The following INSR variants were observed in gnomAD, a reference collection of about 807,000 sequenced individuals.
INSR encodes insulin receptor, also known as IR.
INSR carries 67 observed loss-of-function variants against 142.6 expected under a neutral mutation model. The observed-to-expected ratio is 0.47, with a 90% CI of 0.39 to 0.58. INSR has a LOEUF of 0.58. INSR is among the 20% of genes least tolerant of loss of function. The pLI is 0.00. For synonymous variants in INSR, 756 were observed against 743.1 expected, an observed-to-expected ratio of 1.02 and a Z score of -0.28; for missense variants, 1,248 against 1,833.2, an observed-to-expected ratio of 0.68 and a Z score of 5.83.
chr19:7,257,330 G>A (rs752102604), intron 2 of INSR, among the ~76,000 whole-genome samples: 5 of 151,688 alleles, frequency 3.3e-5, no homozygotes, highest in Non-Finnish European at 5.9e-5. Flanking sequence ...CAGTGACATC[G>A]CCACAAGGGA....
chr19:7,178,383 T>C lies in INSR; in HGVS notation c.975-3652A>G, dbSNP rs1403656256. Among the ~76,000 whole-genome samples, 4 of 151,942 alleles carry C rather than the reference T, an allele frequency of 2.6e-5. No individual in the cohort carries two copies. In the East Asian group the frequency reaches 7.7e-4, roughly 29 times the overall value. On this transcript the variant is annotated intron_variant, in intron 3 of 21. Transcript: ENST00000302850. ...TGGCAGTGTTGAATCACATGGTCAA[T>C]GATTTCAATCAATCACGCCTAAGGA...
In INSR at chr19:7,216,389, C is replaced by T. The variant is rs1467950384; in HGVS notation, c.653-31752G>A. Among the ~76,000 whole-genome samples the T allele has an allele frequency of 2.0e-5, 3 of 152,122 alleles. No individual in the cohort carries two copies. Among genetic ancestry groups the T allele is most frequent in the South Asian group, 2.1e-4 (1 of 4,816 alleles). On this transcript the variant is annotated intron_variant, in intron 2 of 21. Transcript: ENST00000302850. The surrounding 1 kb of genome is among the most constrained non-coding windows in gnomAD (Gnocchi z 4.2). ...AAATCCTAAACAGAATATTACATGG[C>T]GTCTTGGACCTCCGTGATGTTATGC...
At position 7,116,749 on chromosome 19, in the gene INSR, C is replaced by A; in HGVS notation, c.*307G>T. On this transcript the variant is annotated 3_prime_UTR_variant, in exon 22 of 22. Transcript: ENST00000302850. Reference sequence around the variant, plus strand: ...ATTTGTAAAAACAGGTGCTTTCTTTCCATCTGCTGGGGGCGGGTGGGGGGA... The same window carrying A: ...ATTTGTAAAAACAGGTGCTTTCTTTACATCTGCTGGGGGCGGGTGGGGGGA... 5.7e-6 allele frequency: 1 copy of A among 174,418 alleles called. No homozygotes were observed. The highest frequency in any genetic ancestry group is 1.1e-5 in the Non-Finnish European group (1 of 92,078). The allele number at this position is 174,418 out of a possible 1,614,324, so 10.8% of individuals were successfully genotyped here. A position where few individuals can be genotyped will look rare whatever the true frequency, so the allele number is the denominator to read the frequency against.
intron 1 of INSR, among the ~76,000 whole-genome samples, chr19:7,285,628 C>G (rs897015616): frequency 1.3e-5 from 2 of 151,978 alleles, no homozygotes; most frequent in African/African-American, 4.8e-5. Context: ...AGAGCAAGAA[C>G]CTGCCTCTCA....
intron 15 of INSR, 36 bp downstream of exon 15, chr19:7,128,816 C>T: frequency 7.0e-7 from 1 of 1,433,020 alleles, no homozygotes; most frequent in Admixed American, 1.7e-5. Flanking sequence ...AGAGAACCAA[C>T]TGTTCCCAGC....
chr19:7,247,158 A>G (rs1473470418), intron 2 of INSR, among the ~76,000 whole-genome samples: 1 of 152,180 alleles, frequency 6.6e-6, no homozygotes, highest in Non-Finnish European at 1.5e-5. Context: ...ACTGGCATTC[A>G]TGTGTTGACT....
At chr19:7,247,700 A>G (rs1976578460) in intron 2 of INSR, among the ~76,000 whole-genome samples, 1 of 152,206 alleles carries the variant, frequency 6.6e-6, no homozygotes, top group Non-Finnish European at 1.5e-5. Context: ...CATTCAGAAA[A>G]GCTAGACAAT....
intron 2 of INSR, among the ~76,000 whole-genome samples, chr19:7,242,096 T>A (rs959555697): frequency 6.7e-6 from 1 of 149,658 alleles, no homozygotes; most frequent in Non-Finnish European, 1.5e-5. Flanking sequence ...GAAATTGCAG[T>A]GAGCCAAGAT....
intron 21 of INSR, among the ~76,000 whole-genome samples, chr19:7,118,254 T>C (rs1972386039): frequency 6.6e-6 from 1 of 151,866 alleles, no homozygotes; most frequent in African/African-American, 2.4e-5. Context: ...TATATATATA[T>C]GTACATATGC....
At chr19:7,193,437 G>C (rs1043301742) in intron 2 of INSR, among the ~76,000 whole-genome samples, 2 of 151,488 alleles carry the variant, frequency 1.3e-5, no homozygotes, top group Non-Finnish European at 2.9e-5. Context: ...ACCTGAACCT[G>C]GGGAGCGGAA....
intron 3 of INSR, among the ~76,000 whole-genome samples, chr19:7,183,440 C>A (rs563722201): frequency 6.6e-6 from 1 of 152,010 alleles, no homozygotes; most frequent in African/African-American, 2.4e-5. Flanking sequence ...CTGACTCTGT[C>A]GAAGAGAGAA....
chr19:7,246,106 TA>T (rs1189919940), intron 2 of INSR, among the ~76,000 whole-genome samples: 1 of 152,146 alleles, frequency 6.6e-6, no homozygotes, highest in South Asian at 2.1e-4. Flanking sequence ...AAGAGGTTTT[TA>T]AAAAAATGTT....
chr19:7,122,723 C>T lies in INSR; in HGVS notation c.3420G>A (p.Ala1140=), dbSNP rs746289162. ...AGGCCATCCCGTCAGCAATCTCTGC[C>T]GCCATCTGAATCATCTCTTGAAGGG... ...PPTLQEMIQM[A]AEIADGMAYL... Residue 1140 remains alanine, a synonymous_variant, in exon 19 of 22, where the codon GCG becomes GCA. Transcript: ENST00000302850. 11 of 1,614,080 alleles carry T rather than the reference C, an allele frequency of 6.8e-6. No homozygotes were observed. The highest frequency in any genetic ancestry group is 1.6e-4 in the Middle Eastern group (1 of 6,084).
rs563930672 is a variant in INSR at position 7,266,226 on chromosome 19, G to A, written c.652+1119C>T. 8.5e-5 allele frequency among the ~76,000 whole-genome samples: 13 copies of A among 152,162 alleles called. No homozygotes were observed. In the South Asian group the frequency reaches 1.0e-3, roughly 12 times the overall value. ...TCCTCCAAAGCTAGGAGGAGTGGCC[G>A]TTGGCACAACATTTCCGGAACACCA... is the stretch of plus-strand genomic sequence containing the variant. On this transcript the variant is annotated intron_variant, in intron 2 of 21. Coordinates refer to ENST00000302850, the MANE Select transcript of INSR (RefSeq NM_000208.4).
Position 7,117,344 on chromosome 19 carries a change from G to C in INSR, c.3861C>G (p.Val1287=). 6.2e-7 allele frequency: 1 copy of C among 1,614,140 alleles called. No homozygotes were observed. The highest frequency in any genetic ancestry group is 8.5e-7 in the Non-Finnish European group (1 of 1,180,018). The change falls in exon 22 of 22, where the codon GTC becomes GTG. Residue 1287 remains valine (V), a synonymous_variant. Transcript: ENST00000302850. ...GGTGCAGGTCGTCCTTGAGCAGGTT[G>C]ACAATCTCCAGGAAGGTTGGCCTCA... is the stretch of plus-strand genomic sequence containing the variant. The part of the protein sequence containing the change: ...PKMRPTFLEI[V]NLLKDDLHPS...
chr19:7,184,560 A>G lies in INSR; in HGVS notation c.730T>C (p.Ser244Pro). 1 of 1,613,614 alleles carries G rather than the reference A, an allele frequency of 6.2e-7. No individual in the cohort carries two copies. The highest frequency in any genetic ancestry group is 1.1e-5 in the South Asian group (1 of 91,066). ...CCHSECLGNCSQPDDPTKCVA... is the reference protein window; with the variant it reads ...CCHSECLGNCPQPDDPTKCVA... ...CACTTGGTGGGGTCGTCGGGCTGAG[A>G]ACAGTTGCCCAGGCACTCGCTGTGG... Residue 244 changes from serine to proline, a missense_variant, in exon 3 of 22, where the codon TCT becomes CCT. Around this residue, in one of 3 missense-constraint regions of INSR, gnomAD observed 1,069 missense variants for 1,654.0 expected, o/e 0.65. Coordinates refer to ENST00000302850, the MANE Select transcript of INSR (RefSeq NM_000208.4).
chr19:7,152,953 G>C (rs781257276), intron 9 of INSR, 26 bp from the exon 10 acceptor site: 3 of 1,575,682 alleles, frequency 1.9e-6, no homozygotes, highest in South Asian at 1.1e-5. Context: ...GAAAAGGGGG[G>C]CTCAAGTCTC....
chr19:7,167,681 G>A (rs1218895612), intron 7 of INSR, among the ~76,000 whole-genome samples: 1 of 152,056 alleles, frequency 6.6e-6, no homozygotes, highest in East Asian at 1.9e-4. Flanking sequence ...TGTCTGATGA[G>A]ACATACACAG....
chr19:7,197,546 TCAGGTTCCAGA>T lies in INSR; in HGVS notation c.653-12920_653-12910del, dbSNP rs1974794667. On this transcript the variant is annotated intron_variant, in intron 2 of 21. Coordinates refer to ENST00000302850, the MANE Select transcript of INSR (RefSeq NM_000208.4). ...GTGTGTGTGTGTGTGTGTGTGTGTGTCAGGTTCCAGAGTGGGAGTGTGTGTGTTTGGGTGTG... is the reference window on the plus strand; with the variant it reads ...GTGTGTGTGTGTGTGTGTGTGTGTGTGTGGGAGTGTGTGTGTTTGGGTGTG... Among the ~76,000 whole-genome samples the T allele has an allele frequency of 2.1e-4, 24 of 113,838 alleles. 1 individual carries two copies. The highest frequency in any genetic ancestry group is 6.0e-4 in the South Asian group (2 of 3,342). 74.7% of individuals were successfully genotyped at this position (113,838 alleles called of 152,430 possible).
Sources: gnomAD v4.1 joint callset for allele counts (sites outside exome capture counted in the v4.1 genomes callset) on GRCh38, gnomAD v4.1.1 for gene constraint, gnomAD v4.1.1 regional missense constraint, Gnocchi (gnomAD v3.1) non-coding constraint, MANE v1.5 for transcripts, NCBI Gene and HGNC (gene_info 2026-07-23, HGNC 2026-07-21) for gene names.